SMARCC1: variants seen among roughly 807,000 people sequenced by gnomAD.
SMARCC1 encodes the protein SWI/SNF related BAF chromatin remodeling complex subunit C1.
A neutral mutation model predicts 147.4 loss-of-function variants in SMARCC1; 43 were observed. That is an observed-to-expected ratio of 0.29 (90% CI 0.23 to 0.38). The LOEUF (loss-of-function observed/expected upper bound fraction) is 0.38, where lower values mean the gene tolerates loss of function less well. SMARCC1 is among the 10% of genes least tolerant of loss of function. SMARCC1 has a pLI of 1.00. For synonymous variants in SMARCC1, 495 were observed against 484.4 expected (o/e 1.02, Z -0.29); for missense variants, 1,119 against 1,381.1 (o/e 0.81, Z 3.01).
chr3:47,693,253 C>T lies in SMARCC1; in HGVS notation c.1213G>A (p.Val405Ile). 6.3e-7 allele frequency: 1 copy of T among 1,584,574 alleles called. No homozygotes were observed. Among genetic ancestry groups the T allele is most frequent in the Admixed American group, 1.7e-5 (1 of 59,872 alleles). ...SENTPVKGGT[V>I]ADLDEQDEET... ...TTTAGGTGCTTACCTAGATCCGCTA[C>T]AGTTCCTCCTTTAACAGGTGTATTT... Residue 405 changes from valine (V) to isoleucine (I), a missense_variant, in exon 12 of 28, where the codon GTA (valine) becomes ATA (isoleucine). Coordinates refer to ENST00000254480, the MANE Select transcript of SMARCC1 (RefSeq NM_003074.4).
chr3:47,663,818 C>A (rs547706042), intron 19 of SMARCC1: 2 of 1,583,258 alleles, frequency 1.3e-6, no homozygotes, highest in African/African-American at 1.3e-5. Flanking sequence ...TTCCTTCCAC[C>A]GGGGCAACAG....
At chr3:47,690,832 G>C (rs2033781169) in intron 12 of SMARCC1, among the ~76,000 whole-genome samples, 1 of 152,186 alleles carries the variant, frequency 6.6e-6, no homozygotes, top group African/African-American at 2.4e-5. Flanking sequence ...GGTGATTCTG[G>C]ATGTGAAATA....
chr3:47,610,312 G>C lies in SMARCC1; in HGVS notation c.2797C>G (p.Gln933Glu). The C allele has an allele frequency of 6.2e-7, 1 of 1,614,192 alleles. No homozygotes were observed. The highest frequency in any genetic ancestry group is 8.5e-7 in the Non-Finnish European group (1 of 1,180,044). The part of the protein sequence containing the change: ...REKEALEQQR[Q>E]QLLTERQNFH... ...TTTTGGCGTTCAGTAAGCAACTGCT[G>C]CCTCTGTTGTTCTAGCTGTAAGCAA... Residue 933 changes from glutamine to glutamate, a missense_variant, in exon 26 of 28, where the codon CAG becomes GAG. By Grantham distance (29) the Gln-to-Glu change is conservative. This residue lies in a region of SMARCC1 where 42 missense variants were observed against 89.4 expected (regional missense o/e 0.47). Coordinates refer to ENST00000254480, the MANE Select transcript of SMARCC1 (RefSeq NM_003074.4).
intron 3 of SMARCC1, among the ~76,000 whole-genome samples, chr3:47,742,348 T>A (rs2034518785): frequency 6.6e-6 from 1 of 152,164 alleles, no homozygotes; most frequent in Non-Finnish European, 1.5e-5. Context: ...TCTGGGCATG[T>A]GGGCACTAAC....
At chr3:47,673,372 C>A (rs1345502915) in intron 18 of SMARCC1, among the ~76,000 whole-genome samples, 1 of 116,042 alleles carries the variant, frequency 8.6e-6, no homozygotes, top group African/African-American at 3.4e-5. Context: ...GGCGACAGAG[C>A]GAGACTCTGT....
At position 47,748,245 on chromosome 3, in the gene SMARCC1, A is replaced by G. The variant is rs180926604; in HGVS notation, c.316-2252T>C. On this transcript the variant is annotated intron_variant, in intron 2 of 27. Transcript: ENST00000254480. ...TTTTATCTTTTTGAAACAGGGTCTC[A>G]CTGTGTTGCTCAGGCTGGAGTACAG... 2.0e-3 allele frequency among the ~76,000 whole-genome samples: 298 copies of G among 152,250 alleles called. 3 individuals are homozygous for G. The highest frequency in any genetic ancestry group is 6.6e-3 in the African/African-American group (275 of 41,558).
chr3:47,662,450 A>C lies in SMARCC1; in HGVS notation c.2042T>G (p.Leu681Trp), dbSNP rs1393637966. Reference protein sequence around the residue: ...LENSDASLGPLAYQPVPFSQS... With the variant: ...LENSDASLGPWAYQPVPFSQS... ...ACTGAAGGGGACAGGCTGGTAGGCC[A>C]AAGGCCCAAGGGAAGCATCTGAATT... is the stretch of plus-strand genomic sequence containing the variant. Residue 681 changes from leucine (L) to tryptophan (W), a missense_variant, in exon 20 of 28, where the codon TTG (leucine) becomes TGG (tryptophan). Leu to Trp is a moderately conservative substitution (Grantham distance 61). Coordinates refer to ENST00000254480, the MANE Select transcript of SMARCC1 (RefSeq NM_003074.4). The C allele has an allele frequency of 4.3e-6, 7 of 1,614,164 alleles. No homozygotes were observed. The highest frequency in any genetic ancestry group is 5.9e-6 in the Non-Finnish European group (7 of 1,180,006).
At chr3:47,687,291 A>T (rs543580338) in intron 13 of SMARCC1, among the ~76,000 whole-genome samples, 2 of 152,310 alleles carry the variant, frequency 1.3e-5, no homozygotes, top group East Asian at 3.9e-4. Flanking sequence ...AAATATTCTC[A>T]ATGTTCACCT....
At chr3:47,647,784 C>T (rs943614381) in intron 21 of SMARCC1, among the ~76,000 whole-genome samples, 3 of 152,210 alleles carry the variant, frequency 2.0e-5, no homozygotes, top group Non-Finnish European at 2.9e-5. Context: ...ACAGTCCAAG[C>T]TCACAACCTT....
intron 2 of SMARCC1, among the ~76,000 whole-genome samples, chr3:47,770,239 A>G (rs1452022813): frequency 1.3e-5 from 2 of 151,934 alleles, no homozygotes; most frequent in African/African-American, 2.4e-5. Context: ...AAAAAAATAA[A>G]TAATAAGGCT....
In SMARCC1 at chr3:47,701,334, T is replaced by C. The variant is rs149296545; in HGVS notation, c.1109A>G (p.Asp370Gly). 6.2e-7 allele frequency: 1 copy of C among 1,613,366 alleles called. No homozygotes were observed. The highest frequency in any genetic ancestry group is 8.5e-7 in the Non-Finnish European group (1 of 1,179,290). ...GGGTACAGGTGTTGGGTCTTCCATATCCTTGGTTAGATCTTCTTGCTCATC... is the reference window on the plus strand; with the variant it reads ...GGGTACAGGTGTTGGGTCTTCCATACCCTTGGTTAGATCTTCTTGCTCATC... The part of the protein sequence containing the change: ...EEDEQEDLTK[D>G]MEDPTPVPNI... Residue 370 changes from aspartate to glycine, a missense_variant, in exon 11 of 28, where the codon GAT becomes GGT. Asp to Gly is a moderately conservative substitution (Grantham distance 94). Around this residue, in one of 6 missense-constraint regions of SMARCC1, gnomAD observed 542 missense variants for 611.8 expected, o/e 0.89. Coordinates refer to ENST00000254480, the MANE Select transcript of SMARCC1 (RefSeq NM_003074.4).
intron 12 of SMARCC1, 147 bp from the exon 13 acceptor site, chr3:47,689,571 A>C: frequency 3.0e-6 from 2 of 669,172 alleles, no homozygotes; most frequent in Non-Finnish European, 5.4e-6. Flanking sequence ...TGAATAATTC[A>C]CTAAATTAGA....
intron 26 of SMARCC1, among the ~76,000 whole-genome samples, chr3:47,595,227 T>G (rs544949285): frequency 6.6e-6 from 1 of 152,220 alleles, no homozygotes; most frequent in East Asian, 1.9e-4. Context: ...TAAAAAAAAT[T>G]TTTTTTAAAC....
rs34045811 is a variant in SMARCC1 at position 47,677,401 on chromosome 3, G to GT, written c.1572-620dup. ...CAGGTGTGAGCCACCATGCCTGGCCGTTTTTTTTTTTTTTTTAATTTCGGC... is the reference window on the plus strand; with the variant it reads ...CAGGTGTGAGCCACCATGCCTGGCCGTTTTTTTTTTTTTTTTTAATTTCGGC... On this transcript the variant is annotated intron_variant, in intron 16 of 27. Coordinates refer to ENST00000254480, the MANE Select transcript of SMARCC1 (RefSeq NM_003074.4). Among the ~76,000 whole-genome samples the GT allele has an allele frequency of 2.1e-3, 303 of 141,054 alleles. 1 individual carries two copies. The highest frequency in any genetic ancestry group is 4.6e-3 in the African/African-American group (176 of 38,204). The allele number at this position is 141,054 out of a possible 152,430, so 92.5% of individuals were successfully genotyped here. A position where few individuals can be genotyped will look rare whatever the true frequency, so the allele number is the denominator to read the frequency against.
At chr3:47,698,324 C>T (rs942970601) in intron 11 of SMARCC1, among the ~76,000 whole-genome samples, 1 of 151,984 alleles carries the variant, frequency 6.6e-6, no homozygotes, top group Non-Finnish European at 1.5e-5. Context: ...ATTGATGAAA[C>T]ATCTATTGTG....
At chr3:47,767,084 G>C (rs1028395199) in intron 2 of SMARCC1, among the ~76,000 whole-genome samples, 15 of 149,722 alleles carry the variant, frequency 1.0e-4, no homozygotes, top group African/African-American at 2.0e-4. Context: ...TTGGGAGGCT[G>C]AGGCAGGAGA....
At chr3:47,772,253 G>A (rs944254742) in intron 2 of SMARCC1, among the ~76,000 whole-genome samples, 7 of 152,138 alleles carry the variant, frequency 4.6e-5, no homozygotes, top group East Asian at 1.9e-4. Context: ...ACCCATATGC[G>A]CGTGGTAGCA....
intron 3 of SMARCC1, among the ~76,000 whole-genome samples, chr3:47,738,888 G>C (rs982034834): frequency 3.4e-4 from 51 of 152,068 alleles, no homozygotes; most frequent in African/African-American, 1.2e-3. Context: ...GATAGCTGGG[G>C]GTATCCCAAA....
intron 2 of SMARCC1, among the ~76,000 whole-genome samples, chr3:47,753,127 C>A (rs1237682063): frequency 2.6e-5 from 4 of 151,962 alleles, no homozygotes; most frequent in Admixed American, 1.3e-4. Flanking sequence ...GGGCGGATCA[C>A]GAGGTGAGGA....
Sources: gnomAD v4.1 joint callset for allele counts (sites outside exome capture counted in the v4.1 genomes callset) on GRCh38, gnomAD v4.1.1 for gene constraint, gnomAD v4.1.1 regional missense constraint, MANE v1.5 for transcripts, NCBI Gene and HGNC (gene_info 2026-07-23, HGNC 2026-07-21) for gene names.